Variants in SUPT3H observed in about 807,000 individuals in gnomAD.
The protein encoded by SUPT3H is transcription initiation protein SPT3 homolog.
In SUPT3H, 44 loss-of-function variants were observed where a neutral mutation model predicts 44.3. That is an observed-to-expected ratio of 0.99 (90% CI 0.78 to 1.28). The LOEUF (loss-of-function observed/expected upper bound fraction) is 1.28, where lower values mean the gene tolerates loss of function less well. Ranked by LOEUF, SUPT3H falls within the 50% of genes most tolerant of loss-of-function variation. The pLI is 0.00. For synonymous variants in SUPT3H, 124 were observed against 125.6 expected (o/e 0.99, Z 0.09); for missense variants, 380 against 387.1 (o/e 0.98, Z 0.15).
intron 2 of SUPT3H, among the ~76,000 whole-genome samples, chr6:45,256,431 A>G (rs1235722879): frequency 6.6e-6 from 1 of 152,102 alleles, no homozygotes; most frequent in Non-Finnish European, 1.5e-5. Context: ...AGCCTCTTTT[A>G]TAAGGGTATT....
chr6:45,119,880 A>G (rs926213880), intron 2 of SUPT3H, among the ~76,000 whole-genome samples: 5 of 152,202 alleles, frequency 3.3e-5, no homozygotes, highest in African/African-American at 4.8e-5. Flanking sequence ...TAAAAAAGAA[A>G]AGGAAAAAAA....
intron 10 of SUPT3H, among the ~76,000 whole-genome samples, chr6:44,886,391 G>A (rs1468355594): frequency 1.3e-5 from 2 of 152,082 alleles, no homozygotes; most frequent in Admixed American, 6.5e-5. Context: ...CCCACAAAGG[G>A]AAGCCCATCA....
At chr6:45,093,895 A>G (rs1797457086) in intron 3 of SUPT3H, among the ~76,000 whole-genome samples, 1 of 152,182 alleles carries the variant, frequency 6.6e-6, no homozygotes, top group Non-Finnish European at 1.5e-5. Context: ...ATTATATTCT[A>G]TGCATAAAAC....
Position 44,827,941 on chromosome 6 carries a change from C to A in SUPT3H, c.*1875G>T, listed in dbSNP as rs1167601033. On this transcript the variant is annotated 3_prime_UTR_variant, in exon 11 of 11. Coordinates refer to ENST00000371459, the MANE Select transcript of SUPT3H (RefSeq NM_003599.4). The stretch of plus-strand genomic sequence containing the variant: ...AACATATGCCAGACCAACAAAAACA[C>A]AGACCTGTCATATTTCTGAGAGAAA... 6.6e-6 allele frequency among the ~76,000 whole-genome samples: 1 copy of A among 152,070 alleles called. No individual in the cohort carries two copies. Among genetic ancestry groups the A allele is most frequent in the African/African-American group, 2.4e-5 (1 of 41,436 alleles).
chr6:45,324,508 G>A (rs1184411508), intron 2 of SUPT3H, among the ~76,000 whole-genome samples: 1 of 151,724 alleles, frequency 6.6e-6, no homozygotes, highest in East Asian at 1.9e-4. Context: ...TCTACTTTGA[G>A]GCTGTATAGA....
chr6:44,839,175 C>T (rs1320733155), intron 10 of SUPT3H, among the ~76,000 whole-genome samples: 1 of 152,126 alleles, frequency 6.6e-6, no homozygotes, highest in Non-Finnish European at 1.5e-5. Context: ...AGCTTTTGGG[C>T]TCATGGTAAC....
chr6:44,919,056 C>A (rs888105991), intron 10 of SUPT3H, among the ~76,000 whole-genome samples: 1 of 152,158 alleles, frequency 6.6e-6, no homozygotes, highest in Non-Finnish European at 1.5e-5. Context: ...ATCAGTAAGG[C>A]TGGATTTCTG....
intron 9 of SUPT3H, among the ~76,000 whole-genome samples, chr6:44,938,041 A>G (rs1771774237): frequency 6.9e-6 from 1 of 145,562 alleles, no homozygotes; most frequent in South Asian, 2.1e-4. Context: ...TCCTGTCACT[A>G]TCTTATTTCT....
intron 11 of SUPT3H, among the ~76,000 whole-genome samples, chr6:44,818,362 T>C (rs895486103): frequency 1.3e-5 from 2 of 151,892 alleles, no homozygotes; most frequent in African/African-American, 4.8e-5. Context: ...AACTTAAATA[T>C]CTAAAAGAAA....
intron 2 of SUPT3H, among the ~76,000 whole-genome samples, chr6:45,126,527 T>C (rs748940121): frequency 1.3e-5 from 2 of 152,208 alleles, no homozygotes; most frequent in Non-Finnish European, 2.9e-5. Flanking sequence ...ACAGCTGCTA[T>C]ACACACAGTG....
intron 2 of SUPT3H, among the ~76,000 whole-genome samples, chr6:45,303,776 C>G (rs1230920791): frequency 6.6e-6 from 1 of 151,530 alleles, no homozygotes; most frequent in African/African-American, 2.4e-5. Context: ...GGGCGGATCA[C>G]GAGGTCAGGA....
At chr6:44,919,932 G>C (rs151102538) in intron 10 of SUPT3H, among the ~76,000 whole-genome samples, 1 of 152,120 alleles carries the variant, frequency 6.6e-6, no homozygotes, top group African/African-American at 2.4e-5. Context: ...AGGGTGGAGT[G>C]CAGTGGCGTG....
intron 3 of SUPT3H, among the ~76,000 whole-genome samples, chr6:45,043,471 T>A (rs909255236): frequency 1.7e-4 from 26 of 152,134 alleles, no homozygotes; most frequent in Admixed American, 1.6e-3. Context: ...ACAGTCCTTT[T>A]CCTCCTCAGG....
In SUPT3H at chr6:44,935,059, A is replaced by G. The variant is rs75137453; in HGVS notation, c.802-2296T>C. Among the ~76,000 whole-genome samples the G allele has an allele frequency of 5.3e-3, 808 of 152,324 alleles. 5 individuals are homozygous for G. Among genetic ancestry groups the G allele is most frequent in the African/African-American group, 0.018 (754 of 41,558 alleles). ...ATTTCAGGTTTATCTGCCATAATTC[A>G]GCAACTGTTAACATTAGCATAATGA... On this transcript the variant is annotated intron_variant, in intron 9 of 10. Coordinates refer to ENST00000371459, the MANE Select transcript of SUPT3H (RefSeq NM_003599.4).
At chr6:45,039,177 A>T (rs1788134035) in intron 3 of SUPT3H, among the ~76,000 whole-genome samples, 1 of 152,194 alleles carries the variant, frequency 6.6e-6, no homozygotes, top group Admixed American at 6.5e-5. Flanking sequence ...TATGAAATCA[A>T]ATCTATTATT....
chr6:45,296,966 A>C (rs1269757968), intron 2 of SUPT3H, among the ~76,000 whole-genome samples: 1 of 151,138 alleles, frequency 6.6e-6, no homozygotes, highest in East Asian at 1.9e-4. Flanking sequence ...ACAAATGTAT[A>C]GCGTAATCTG....
chr6:44,848,938 G>A (rs896514432), intron 10 of SUPT3H, among the ~76,000 whole-genome samples: 6 of 152,128 alleles, frequency 3.9e-5, no homozygotes, highest in African/African-American at 9.7e-5. Context: ...AATAAGAGAC[G>A]ACTTTCTTTT....
chr6:44,953,720 G>T (rs565615802), intron 8 of SUPT3H, among the ~76,000 whole-genome samples: 1 of 151,998 alleles, frequency 6.6e-6, no homozygotes, highest in Non-Finnish European at 1.5e-5. Flanking sequence ...CTAGGAATTT[G>T]CTTATTTTAT....
chr6:45,180,375 T>C (rs981961779), intron 2 of SUPT3H, among the ~76,000 whole-genome samples: 2 of 150,150 alleles, frequency 1.3e-5, no homozygotes, highest in African/African-American at 4.9e-5. Flanking sequence ...TACTTTAAAG[T>C]TCATATGGAA....
Sources: allele counts gnomAD v4.1 joint callset (sites outside exome capture counted in the v4.1 genomes callset), GRCh38; gene constraint gnomAD v4.1.1; transcripts MANE v1.5; gene names NCBI Gene and HGNC (gene_info 2026-07-23, HGNC 2026-07-21).